The following RIMS2 variants were observed in gnomAD, a reference collection of about 807,000 sequenced individuals.
RIMS2 encodes regulating synaptic membrane exocytosis protein 2.
RIMS2 carries 59 observed loss-of-function variants against 174.4 expected under a neutral mutation model. The ratio of observed to expected loss-of-function variants is 0.34; its 90% CI spans 0.27 to 0.42. The LOEUF (loss-of-function observed/expected upper bound fraction) is 0.42. RIMS2 is among the 10% of genes least tolerant of loss of function. The pLI is 1.00. For missense variants in RIMS2, 1,620 were observed against 1,666.3 expected (o/e 0.97, Z 0.48); for synonymous variants, 606 against 572.5 (o/e 1.06, Z -0.84).
At chr8:104,131,254 A>G (rs6468904) in intron 19 of RIMS2, among the ~76,000 whole-genome samples, 32,100 of 152,098 alleles carry the variant, frequency 0.21, 3,871 homozygotes, top group East Asian at 0.57. Flanking sequence ...TATTAATATT[A>G]CTATAAATAA....
At chr8:104,132,255 G>T (rs1258214048) in intron 19 of RIMS2, among the ~76,000 whole-genome samples, 1 of 151,944 alleles carries the variant, frequency 6.6e-6, no homozygotes, top group Admixed American at 6.6e-5. Flanking sequence ...ATTCTACTTT[G>T]CAGACTTTCT....
intron 2 of RIMS2, among the ~76,000 whole-genome samples, chr8:103,723,729 G>C (rs1381522827): frequency 6.6e-6 from 1 of 152,198 alleles, no homozygotes; most frequent in Non-Finnish European, 1.5e-5. Flanking sequence ...CCTGGTGATG[G>C]GACTTGCTTG....
At chr8:103,791,668 G>A (rs555897622) in intron 3 of RIMS2, among the ~76,000 whole-genome samples, 4 of 152,222 alleles carry the variant, frequency 2.6e-5, no homozygotes, top group Admixed American at 6.5e-5. Flanking sequence ...GCTGTGTTCA[G>A]GAGAACCATC....
chr8:104,185,413 C>T (rs2098962780), intron 19 of RIMS2, among the ~76,000 whole-genome samples: 1 of 151,540 alleles, frequency 6.6e-6, no homozygotes, highest in Non-Finnish European at 1.5e-5. Context: ...AAAGTGTTCA[C>T]CTTTTCTAGG....
chr8:103,656,105 T>C (rs1434329521), intron 1 of RIMS2, among the ~76,000 whole-genome samples: 1 of 151,982 alleles, frequency 6.6e-6, no homozygotes, highest in African/African-American at 2.4e-5. Flanking sequence ...TATTTGAAGA[T>C]TGAAATGATA....
intron 19 of RIMS2, among the ~76,000 whole-genome samples, chr8:104,097,353 T>C (rs938997120): frequency 1.3e-5 from 2 of 152,138 alleles, no homozygotes; most frequent in African/African-American, 2.4e-5. Flanking sequence ...TTTGTCTGCA[T>C]TGAATGATCA....
At position 103,717,443 on chromosome 8, in the gene RIMS2, A is replaced by G. The variant is rs141832005; in HGVS notation, c.387+20147A>G. Among the ~76,000 whole-genome samples, 4 of 152,268 alleles carry G rather than the reference A, an allele frequency of 2.6e-5. No homozygotes were observed. In the East Asian group the frequency reaches 7.7e-4, roughly 29 times the overall value. On this transcript the variant is annotated intron_variant, in intron 2 of 23. Transcript: ENST00000504942. ...GGGACAGGTTCCCTAGAGAACCTAT[A>G]AGCTATCTTCCAGCCCACCTGATTT...
At chr8:104,140,911 A>G (rs1303112507) in intron 19 of RIMS2, among the ~76,000 whole-genome samples, 1 of 152,218 alleles carries the variant, frequency 6.6e-6, no homozygotes, top group Non-Finnish European at 1.5e-5. Flanking sequence ...AGTAGCTGAA[A>G]TCATCAGAGA....
chr8:103,785,829 A>G (rs1348896493), intron 3 of RIMS2, among the ~76,000 whole-genome samples: 1 of 152,200 alleles, frequency 6.6e-6, no homozygotes, highest in East Asian at 1.9e-4. Context: ...TGATTGGAAT[A>G]GTTTCAGAAG....
intron 2 of RIMS2, among the ~76,000 whole-genome samples, chr8:103,732,973 C>G (rs1472693579): frequency 1.3e-5 from 2 of 152,108 alleles, no homozygotes; most frequent in Non-Finnish European, 2.9e-5. Context: ...CCTTTTTACT[C>G]TTCCCTTTTC....
chr8:104,099,751 T>C (rs2097836771), intron 19 of RIMS2, among the ~76,000 whole-genome samples: 1 of 152,204 alleles, frequency 6.6e-6, no homozygotes, highest in Non-Finnish European at 1.5e-5. Flanking sequence ...CACAAAATGT[T>C]GTTCCATTTA....
chr8:103,885,272 A>G (rs1272067542), intron 3 of RIMS2, 26 bp from the exon 7 acceptor site: 2 of 1,532,870 alleles, frequency 1.3e-6, no homozygotes, highest in East Asian at 2.3e-5. Context: ...TGCTCTTCTC[A>G]TTGTTCTTTT....
At chr8:103,706,031 A>G (rs1418056117) in intron 2 of RIMS2, among the ~76,000 whole-genome samples, 1 of 150,722 alleles carries the variant, frequency 6.6e-6, no homozygotes, top group Non-Finnish European at 1.5e-5. Flanking sequence ...TTTTCCTGGT[A>G]TTATATTTTA....
Position 104,181,155 on chromosome 8 carries a change from C to G in RIMS2, c.3335-63761C>G, listed in dbSNP as rs79098391. 5.7e-3 allele frequency among the ~76,000 whole-genome samples: 859 copies of G among 151,676 alleles called. 6 individuals are homozygous for G. The highest frequency in any genetic ancestry group is 0.019 in the African/African-American group (795 of 41,472). ...TTATGTTTATGTGCTTTGTGACTCT[C>G]CAAAAGCAAAATAGAATAGGTGACT... On this transcript the variant is annotated intron_variant, in intron 19 of 23. Transcript: ENST00000504942.
chr8:104,094,347 A>G, intron 19 of RIMS2: 1 of 540,964 alleles, frequency 1.8e-6, no homozygotes, highest in African/African-American at 1.9e-5. Context: ...TTCAACATTT[A>G]AAAGATATAA....
At chr8:103,644,429 G>A (rs181831838) in intron 1 of RIMS2, among the ~76,000 whole-genome samples, 3 of 152,096 alleles carry the variant, frequency 2.0e-5, no homozygotes. Flanking sequence ...ATCTTTATAT[G>A]TCAGATTGGA....
intron 19 of RIMS2, chr8:104,148,800 G>T (rs763095202): frequency 6.3e-7 from 1 of 1,598,448 alleles, no homozygotes; most frequent in South Asian, 1.1e-5. Context: ...GGTAGCTATC[G>T]TTGGTCTGTC....
intron 3 of RIMS2, among the ~76,000 whole-genome samples, chr8:103,771,730 T>C (rs1008761232): frequency 1.3e-5 from 2 of 152,148 alleles, no homozygotes; most frequent in African/African-American, 4.8e-5. Flanking sequence ...TCCTCGGCCA[T>C]GAGATAAACT....
At chr8:104,217,946 G>A (rs1186350771) in intron 19 of RIMS2, among the ~76,000 whole-genome samples, 1 of 152,126 alleles carries the variant, frequency 6.6e-6, no homozygotes, top group Non-Finnish European at 1.5e-5. Context: ...CTGAGGGTTG[G>A]TTTTTAATAA....
Sources: gnomAD v4.1 joint callset for allele counts (sites outside exome capture counted in the v4.1 genomes callset) on GRCh38, gnomAD v4.1.1 for gene constraint, MANE v1.5 for transcripts, NCBI Gene and HGNC (gene_info 2026-07-23, HGNC 2026-07-21) for gene names.